EXO1: variants seen among roughly 807,000 people sequenced by gnomAD.
EXO1 encodes the protein exonuclease 1.
In EXO1, 69 loss-of-function variants were observed where a neutral mutation model predicts 84.5. The ratio of observed to expected loss-of-function variants is 0.82; its 90% CI spans 0.67 to 1.00. The LOEUF (loss-of-function observed/expected upper bound fraction) is 1.00, where lower values mean the gene tolerates loss of function less well. Among genes scored for constraint, EXO1 ranks in the 50% least tolerant of loss-of-function variants. EXO1 has a pLI of 0.00. For missense variants in EXO1, 1,045 were observed against 1,000.7 expected, an observed-to-expected ratio of 1.04 and a Z score of -0.60; for synonymous variants, 373 against 366.1, an observed-to-expected ratio of 1.02 and a Z score of -0.21.
In EXO1 at chr1:241,879,275, G is replaced by C; in HGVS notation, c.2041G>C (p.Glu681Gln). The C allele has an allele frequency of 6.2e-7, 1 of 1,602,264 alleles. No homozygotes were observed. The highest frequency in any genetic ancestry group is 8.5e-7 in the Non-Finnish European group (1 of 1,176,592). Residue 681 changes from glutamate to glutamine, a missense_variant, in exon 13 of 16, where the codon GAA becomes CAA. Coordinates refer to ENST00000366548, the MANE Select transcript of EXO1 (RefSeq NM_130398.4). Reference protein sequence around the residue: ...ACSSQSQESGEFSLQSSNASK... With the variant: ...ACSSQSQESGQFSLQSSNASK... ...TTCTTCACAGTCCCAGGAAAGTGGA[G>C]AATTCTCACTGCAGAGTTCAAATGC...
At position 241,857,273 on chromosome 1, in the gene EXO1, G is replaced by T; in HGVS notation, c.406-72G>T. On this transcript the variant is annotated intron_variant, in intron 6 of 15. Transcript: ENST00000366548. ...GCCTGCTGAGGCTAGTAATAAAGTG[G>T]GTTTGAAACAGGAAGTTGTTTAGTA... The T allele has an allele frequency of 1.4e-6, 2 of 1,467,172 alleles. 1 individual carries two copies. Among genetic ancestry groups the T allele is most frequent in the South Asian group, 2.3e-5 (2 of 86,786 alleles). 90.9% of individuals were successfully genotyped at this position (1,467,172 alleles called of 1,614,324 possible).
intron 8 of EXO1, 65 bp from the exon 9 acceptor site, chr1:241,860,452 G>T (rs918684919): frequency 8.1e-7 from 1 of 1,241,312 alleles, no homozygotes; most frequent in Non-Finnish European, 1.2e-6. Flanking sequence ...AAATCAATCA[G>T]CCTTGAGGAT....
At chr1:241,884,044 T>C (rs1027374219) in intron 14 of EXO1, among the ~76,000 whole-genome samples, 1 of 152,196 alleles carries the variant, frequency 6.6e-6, no homozygotes, top group African/African-American at 2.4e-5. Flanking sequence ...CTTTTACCTC[T>C]ATTTCTTCTC....
At chr1:241,849,989 G>A (rs533568204) in intron 3 of EXO1, among the ~76,000 whole-genome samples, 1 of 152,332 alleles carries the variant, frequency 6.6e-6, no homozygotes, top group Non-Finnish European at 1.5e-5. Flanking sequence ...TTGAATATCT[G>A]AACAATTTCT....
intron 5 of EXO1, 29 bp downstream of exon 5, chr1:241,852,440 C>T: frequency 6.3e-7 from 1 of 1,581,230 alleles, no homozygotes. Flanking sequence ...TAATCTCTAA[C>T]TTCATTGCAC....
intron 12 of EXO1, among the ~76,000 whole-genome samples, chr1:241,877,642 T>C (rs1279429762): frequency 2.0e-5 from 3 of 152,200 alleles, no homozygotes; most frequent in Admixed American, 1.3e-4. Context: ...TATCTGATCA[T>C]GTATAATAGG....
chr1:241,855,265 A>G (rs1558123284), intron 6 of EXO1, among the ~76,000 whole-genome samples: 1 of 150,102 alleles, frequency 6.7e-6, no homozygotes, highest in South Asian at 2.1e-4. Flanking sequence ...CTGGACACAA[A>G]GATTCTCCAC....
intron 15 of EXO1, among the ~76,000 whole-genome samples, chr1:241,888,385 G>A (rs1164066689): frequency 1.4e-5 from 2 of 140,316 alleles, no homozygotes; most frequent in African/African-American, 5.1e-5. Flanking sequence ...AATAGTCCTG[G>A]TATGACTCGT....
chr1:241,863,962 G>A (rs933656850), intron 10 of EXO1, among the ~76,000 whole-genome samples: 9 of 152,046 alleles, frequency 5.9e-5, no homozygotes, highest in African/African-American at 2.2e-4. Context: ...CTCTTTAATT[G>A]TACTTTTTTT....
At chr1:241,886,286 T>C (rs1312885275) in intron 15 of EXO1, among the ~76,000 whole-genome samples, 2 of 152,258 alleles carry the variant, frequency 1.3e-5, no homozygotes, top group Non-Finnish European at 2.9e-5. Context: ...TGGCCAGCAC[T>C]GTTTTAAAAG....
At chr1:241,864,015 A>G (rs997802005) in intron 10 of EXO1, among the ~76,000 whole-genome samples, 4 of 152,096 alleles carry the variant, frequency 2.6e-5, no homozygotes, top group Non-Finnish European at 5.9e-5. Flanking sequence ...AGAATATGAT[A>G]ATTTTTTGAA....
intron 14 of EXO1, among the ~76,000 whole-genome samples, chr1:241,882,354 G>A (rs1273861149): frequency 2.6e-5 from 4 of 152,016 alleles, no homozygotes; most frequent in Non-Finnish European, 4.4e-5. Context: ...AAGATCTTGT[G>A]GATAAATATT....
chr1:241,855,026 A>G (rs1660892082), intron 6 of EXO1, among the ~76,000 whole-genome samples: 1 of 152,180 alleles, frequency 6.6e-6, no homozygotes. Context: ...TGAGTGTTAC[A>G]GCTCATAAAA....
chr1:241,884,300 A>G (rs1662922402), intron 14 of EXO1, among the ~76,000 whole-genome samples: 1 of 151,984 alleles, frequency 6.6e-6, no homozygotes, highest in Non-Finnish European at 1.5e-5. Flanking sequence ...GTGAACCTTT[A>G]TTTTGTTTTA....
chr1:241,850,514 A>C lies in EXO1; in HGVS notation c.89A>C (p.Asp30Ala). The C allele has an allele frequency of 6.2e-7, 1 of 1,613,992 alleles. No homozygotes were observed. Among genetic ancestry groups the C allele is most frequent in the Non-Finnish European group, 8.5e-7 (1 of 1,179,880 alleles). Reference sequence around the variant, plus strand: ...TATAAAGGGCAGGTAGTAGCTGTGGATACATATTGCTGGCTTCACAAAGGA... The same window carrying C: ...TATAAAGGGCAGGTAGTAGCTGTGGCTACATATTGCTGGCTTCACAAAGGA... Reference protein sequence around the residue: ...RKYKGQVVAVDTYCWLHKGAI... With the variant: ...RKYKGQVVAVATYCWLHKGAI... Residue 30 changes from aspartate to alanine, a missense_variant, in exon 4 of 16, where the codon GAT becomes GCT. Asp to Ala is a moderately radical substitution (Grantham distance 126). Coordinates refer to ENST00000366548, the MANE Select transcript of EXO1 (RefSeq NM_130398.4).
chr1:241,859,167 C>G (rs1454042356), intron 8 of EXO1, among the ~76,000 whole-genome samples: 2 of 152,108 alleles, frequency 1.3e-5, no homozygotes, highest in African/African-American at 4.8e-5. Flanking sequence ...AAATGTTTAT[C>G]AATTCACTTA....
chr1:241,879,678 C>T (rs1662630828), intron 13 of EXO1, among the ~76,000 whole-genome samples: 1 of 152,028 alleles, frequency 6.6e-6, no homozygotes, highest in African/African-American at 2.4e-5. Context: ...TGTTTAAATC[C>T]TTAATATGCT....
At position 241,872,316 on chromosome 1, in the gene EXO1, A is replaced by G. The variant is rs762215431; in HGVS notation, c.1514+38A>G. On this transcript the variant is annotated intron_variant, in intron 12 of 15. Coordinates refer to ENST00000366548, the MANE Select transcript of EXO1 (RefSeq NM_130398.4). ...CTCCAGAATGTTGATTGTCTGTTGT[A>G]TTATGTACTCTGTTGGTATTTATTT... 1.4e-4 allele frequency: 223 copies of G among 1,602,628 alleles called. No individual in the cohort carries two copies. In the African/African-American group the frequency reaches 2.7e-3, roughly 20 times the overall value.
chr1:241,873,738 G>T (rs901771962), intron 12 of EXO1, among the ~76,000 whole-genome samples: 1 of 152,098 alleles, frequency 6.6e-6, no homozygotes, highest in African/African-American at 2.4e-5. Context: ...AGAGATAAAG[G>T]CATGAATACG....
Sources: gnomAD v4.1 joint callset for allele counts (sites outside exome capture counted in the v4.1 genomes callset) on GRCh38, gnomAD v4.1.1 for gene constraint, MANE v1.5 for transcripts, NCBI Gene and HGNC (gene_info 2026-07-23, HGNC 2026-07-21) for gene names.